KIF16B: variants seen among roughly 807,000 people sequenced by gnomAD.
KIF16B encodes kinesin family member 16B, also known as kinesin-like protein KIF16B.
A neutral mutation model predicts 156.3 loss-of-function variants in KIF16B; 98 were observed. That is an observed-to-expected ratio of 0.63 (90% CI 0.53 to 0.74). The LOEUF (loss-of-function observed/expected upper bound fraction) is 0.74, where lower values mean the gene tolerates loss of function less well. Among genes scored for constraint, KIF16B ranks in the 30% least tolerant of loss-of-function variants. KIF16B has a pLI of 0.00. For synonymous variants in KIF16B, 564 were observed against 583.7 expected, an observed-to-expected ratio of 0.97 and a Z score of 0.49; for missense variants, 1,421 against 1,606.5, an observed-to-expected ratio of 0.88 and a Z score of 1.97.
At chr20:16,402,413 C>T (rs2065677986) in intron 17 of KIF16B, among the ~76,000 whole-genome samples, 1 of 152,160 alleles carries the variant, frequency 6.6e-6, no homozygotes, top group African/African-American at 2.4e-5. Context: ...CTGACTGGTT[C>T]ATAGGAGGCA....
At chr20:16,300,817 GATGA>G (rs1568829818) in intron 25 of KIF16B, among the ~76,000 whole-genome samples, 1 of 152,140 alleles carries the variant, frequency 6.6e-6, no homozygotes, top group Non-Finnish European at 1.5e-5. Flanking sequence ...TGTTAGGACT[GATGA>G]ATCTACATTG....
chr20:16,307,191 T>C (rs1235845014), intron 25 of KIF16B, among the ~76,000 whole-genome samples: 1 of 152,180 alleles, frequency 6.6e-6, no homozygotes, highest in Admixed American at 6.5e-5. Flanking sequence ...ACTTTTGTGG[T>C]TTTAGAGGAT....
At chr20:16,367,274 T>C (rs766821854) in intron 22 of KIF16B, 15 of 1,612,838 alleles carry the variant, frequency 9.3e-6, no homozygotes, top group East Asian at 2.2e-5. Context: ...AACTGGACAT[T>C]TGGGGCTTCC....
chr20:16,495,818 G>A lies in KIF16B; in HGVS notation c.1243-1468C>T, dbSNP rs1051682368. ...TGATCCTTCCACCTTAGACTCCTGGGTAGCTGGGACTACAGGTGCACACCA... is the reference window on the plus strand; with the variant it reads ...TGATCCTTCCACCTTAGACTCCTGGATAGCTGGGACTACAGGTGCACACCA... On this transcript the variant is annotated intron_variant, in intron 11 of 25. Coordinates refer to ENST00000354981, the MANE Select transcript of KIF16B (RefSeq NM_024704.5). Among the ~76,000 whole-genome samples, 7 of 152,032 alleles carry A rather than the reference G, an allele frequency of 4.6e-5. No homozygotes were observed. In the East Asian group the frequency reaches 1.4e-3, roughly 29 times the overall value.
At chr20:16,367,415 A>T (rs1329060293) in intron 22 of KIF16B, 1 of 1,612,786 alleles carries the variant, frequency 6.2e-7, no homozygotes, top group African/African-American at 1.3e-5. Context: ...AAAGCATGGC[A>T]TTTGATCACA....
At chr20:16,362,449 C>T (rs2064569486) in intron 22 of KIF16B, among the ~76,000 whole-genome samples, 1 of 152,194 alleles carries the variant, frequency 6.6e-6, no homozygotes, top group African/African-American at 2.4e-5. Flanking sequence ...AAAACAACAA[C>T]TCATACAGAC....
chr20:16,409,976 TATATATATATATATATGTAGGTAC>T (rs2065884882), intron 15 of KIF16B, among the ~76,000 whole-genome samples: 1 of 109,982 alleles, frequency 9.1e-6, no homozygotes, highest in Non-Finnish European at 1.8e-5. Context: ...TATACATATA[TATATATATATATATATGTAGGTAC>T]ATATATATAT....
intron 1 of KIF16B, among the ~76,000 whole-genome samples, chr20:16,529,445 G>A (rs913042663): frequency 1.3e-5 from 2 of 152,166 alleles, no homozygotes; most frequent in African/African-American, 4.8e-5. Context: ...ATACTATAAT[G>A]AGATATATCC....
At chr20:16,450,144 A>T (rs1222914566) in intron 12 of KIF16B, among the ~76,000 whole-genome samples, 1 of 152,218 alleles carries the variant, frequency 6.6e-6, no homozygotes, top group Non-Finnish European at 1.5e-5. Context: ...GGTAAAGTTT[A>T]TGAGCATTTG....
intron 23 of KIF16B, among the ~76,000 whole-genome samples, chr20:16,346,017 C>T (rs1003810229): frequency 6.6e-5 from 10 of 152,216 alleles, no homozygotes; most frequent in African/African-American, 2.4e-4. Context: ...GAAAGAGAGA[C>T]TTGGTCAGCA....
intron 3 of KIF16B, among the ~76,000 whole-genome samples, chr20:16,517,163 T>G (rs562392399): frequency 5.9e-5 from 9 of 152,366 alleles, no homozygotes; most frequent in Admixed American, 5.2e-4. Context: ...TACAGCCAAC[T>G]GGAACTCAGC....
intron 15 of KIF16B, among the ~76,000 whole-genome samples, chr20:16,423,660 G>A (rs2066279646): frequency 6.6e-6 from 1 of 152,066 alleles, no homozygotes; most frequent in African/African-American, 2.4e-5. Flanking sequence ...GCCAGTACAT[G>A]GATCTCTACT....
At chr20:16,489,922 CT>C (rs1246512210) in intron 12 of KIF16B, among the ~76,000 whole-genome samples, 22 of 152,154 alleles carry the variant, frequency 1.4e-4, no homozygotes, top group African/African-American at 4.8e-4. Context: ...GCCATATTCC[CT>C]CCGAGAATAA....
Position 16,429,777 on chromosome 20 carries a change from AC to A in KIF16B, c.1422+85del. On this transcript the variant is annotated intron_variant, in intron 13 of 25. Coordinates refer to ENST00000354981, the MANE Select transcript of KIF16B (RefSeq NM_024704.5). ...TTAATTTAATTTAGTTGTGTTCATG[AC>A]CATAGAATATTATAATAAACCTAGT... is the stretch of plus-strand genomic sequence containing the variant. The A allele has an allele frequency of 2.6e-6, 3 of 1,147,008 alleles. No homozygotes were observed. The South Asian group carries it at 5.7e-5, about 22-fold the overall frequency. 71.1% of individuals were successfully genotyped at this position (1,147,008 alleles called of 1,614,324 possible).
chr20:16,507,814 TCAACTCTAATTAAC>T, intron 7 of KIF16B, 130 bp downstream of exon 7: 1 of 801,954 alleles, frequency 1.2e-6, no homozygotes, highest in Non-Finnish European at 2.0e-6. Context: ...CAGCACATGT[TCAACTCTAATTAAC>T]AAGAAAATGA....
chr20:16,374,167 C>A, intron 20 of KIF16B, 90 bp downstream of exon 20: 1 of 1,293,604 alleles, frequency 7.7e-7, no homozygotes, highest in South Asian at 2.1e-5. Flanking sequence ...CTTAATAGAG[C>A]CCTCCAGATA....
intron 10 of KIF16B, among the ~76,000 whole-genome samples, chr20:16,501,390 T>C (rs2068621778): frequency 1.3e-5 from 2 of 151,966 alleles, no homozygotes; most frequent in Non-Finnish European, 2.9e-5. Flanking sequence ...GGCACTTCTA[T>C]ACACTGATGG....
chr20:16,519,265 A>G (rs1432059052), intron 3 of KIF16B, among the ~76,000 whole-genome samples: 1 of 151,908 alleles, frequency 6.6e-6, no homozygotes, highest in African/African-American at 2.4e-5. Flanking sequence ...CATTCCCATC[A>G]CTGCCATTCC....
In KIF16B at chr20:16,564,628, C is replaced by T. The variant is rs987611302; in HGVS notation, c.47+8601G>A. 1.3e-4 allele frequency among the ~76,000 whole-genome samples: 20 copies of T among 150,240 alleles called. No homozygotes were observed. In the South Asian group the frequency reaches 1.7e-3, roughly 13 times the overall value. On this transcript the variant is annotated intron_variant, in intron 1 of 25. Transcript: ENST00000354981. ...GTATACCATATGTAACTAACCTGCA[C>T]GTTGTGCACATGTACCCTAAAACTT...
Sources: gnomAD v4.1 joint callset for allele counts (sites outside exome capture counted in the v4.1 genomes callset) on GRCh38, gnomAD v4.1.1 for gene constraint, MANE v1.5 for transcripts, NCBI Gene and HGNC (gene_info 2026-07-23, HGNC 2026-07-21) for gene names.